The following LRP1B variants were observed in gnomAD, a reference collection of about 807,000 sequenced individuals.
LRP1B encodes low-density lipoprotein receptor-related protein 1B.
LRP1B carries 217 observed loss-of-function variants against 556.6 expected under a neutral mutation model. That is an observed-to-expected ratio of 0.39 (90% CI 0.35 to 0.44). The LOEUF is 0.44. Ranked by LOEUF, LRP1B falls within the 20% of genes least tolerant of loss-of-function variation. The pLI is 1.00. For missense variants in LRP1B, 5,053 were observed against 5,620.8 expected, an observed-to-expected ratio of 0.90 and a Z score of 3.23; for synonymous variants, 2,047 against 1,865.8, an observed-to-expected ratio of 1.10 and a Z score of -2.50.
intron 2 of LRP1B, among the ~76,000 whole-genome samples, chr2:141,549,868 G>A (rs1425631319): frequency 2.0e-5 from 3 of 152,074 alleles, no homozygotes; most frequent in Non-Finnish European, 4.4e-5. Context: ...GGTGGTGCAT[G>A]CCCATAATCC....
At chr2:141,270,969 G>T (rs552949752) in intron 3 of LRP1B, among the ~76,000 whole-genome samples, 2 of 151,820 alleles carry the variant, frequency 1.3e-5, no homozygotes, top group Non-Finnish European at 2.9e-5. Flanking sequence ...CACAATAAAA[G>T]TAGTAAAAAG....
intron 41 of LRP1B, among the ~76,000 whole-genome samples, chr2:140,671,786 T>C (rs989715773): frequency 6.6e-6 from 1 of 152,190 alleles, no homozygotes. Context: ...GTCCCTTTTA[T>C]CACGTGAGGT....
At chr2:141,916,203 G>A (rs931684306) in intron 1 of LRP1B, among the ~76,000 whole-genome samples, 1 of 152,086 alleles carries the variant, frequency 6.6e-6, no homozygotes, top group Non-Finnish European at 1.5e-5. Flanking sequence ...ATTGGATAAA[G>A]AAAATGTGAT....
intron 3 of LRP1B, among the ~76,000 whole-genome samples, chr2:141,278,138 T>C (rs950284298): frequency 1.2e-4 from 19 of 152,160 alleles, no homozygotes; most frequent in Admixed American, 8.5e-4. Context: ...ACTCATTATA[T>C]GTACTCTACA....
intron 7 of LRP1B, among the ~76,000 whole-genome samples, chr2:141,167,948 A>T (rs1574147100): frequency 6.6e-6 from 1 of 152,164 alleles, no homozygotes. Context: ...TATAACTTTG[A>T]TACAACTACT....
At chr2:141,663,396 A>G (rs927728734) in intron 2 of LRP1B, among the ~76,000 whole-genome samples, 1 of 142,848 alleles carries the variant, frequency 7.0e-6, no homozygotes, top group Admixed American at 7.1e-5. Flanking sequence ...CAATGAATCC[A>G]GGAGCTGGTT....
intron 1 of LRP1B, among the ~76,000 whole-genome samples, chr2:141,837,706 G>A (rs577445565): frequency 2.0e-5 from 3 of 152,062 alleles, no homozygotes; most frequent in African/African-American, 7.2e-5. Flanking sequence ...ACATAGTAAA[G>A]GAAATCTAAT....
chr2:140,483,793 AC>A (rs1342394730), intron 59 of LRP1B, among the ~76,000 whole-genome samples: 3 of 151,502 alleles, frequency 2.0e-5, no homozygotes, highest in Non-Finnish European at 4.4e-5. Context: ...GGTGTGCGCC[AC>A]CACGCCTGGC....
intron 1 of LRP1B, among the ~76,000 whole-genome samples, chr2:141,878,442 A>G (rs1438007065): frequency 1.3e-5 from 2 of 152,016 alleles, no homozygotes; most frequent in African/African-American, 4.8e-5. Flanking sequence ...TGTAAAAAAA[A>G]AAGTGTATAG....
chr2:140,521,477 A>G (rs557386120), intron 49 of LRP1B, among the ~76,000 whole-genome samples: 1 of 152,196 alleles, frequency 6.6e-6, no homozygotes, highest in African/African-American at 2.4e-5. Context: ...AGTCTTTCCC[A>G]GACAAGCAAT....
At chr2:141,296,659 A>G (rs1381793304) in intron 3 of LRP1B, among the ~76,000 whole-genome samples, 1 of 152,252 alleles carries the variant, frequency 6.6e-6, no homozygotes, top group African/African-American at 2.4e-5. Context: ...TGACATAAGT[A>G]TGTAAAATAG....
intron 1 of LRP1B, among the ~76,000 whole-genome samples, chr2:141,998,593 G>A (rs1006108574): frequency 2.0e-5 from 3 of 152,282 alleles, no homozygotes; most frequent in South Asian, 2.1e-4. Flanking sequence ...TAATGGACGT[G>A]TCTATGACAT....
intron 17 of LRP1B, among the ~76,000 whole-genome samples, chr2:140,984,776 T>C (rs1027428328): frequency 9.2e-5 from 14 of 152,126 alleles, no homozygotes; most frequent in African/African-American, 3.4e-4. Context: ...TGAAGATATA[T>C]GAATTCATTG....
At chr2:140,515,365 T>C (rs768922501) in intron 50 of LRP1B, among the ~76,000 whole-genome samples, 2 of 151,978 alleles carry the variant, frequency 1.3e-5, no homozygotes, top group African/African-American at 4.8e-5. Flanking sequence ...TTAATTGGCA[T>C]AGTGGCTGGC....
At chr2:141,687,763 T>C (rs1274397928) in intron 2 of LRP1B, among the ~76,000 whole-genome samples, 1 of 151,960 alleles carries the variant, frequency 6.6e-6, no homozygotes, top group Non-Finnish European at 1.5e-5. Flanking sequence ...GGCTAGAAGA[T>C]AGTCTGAAAT....
chr2:141,544,359 T>TTTTCTTCTTCTTCTTCTTCTTCTTCC (rs1553533236), intron 2 of LRP1B, among the ~76,000 whole-genome samples: 1 of 96,624 alleles, frequency 1.0e-5, no homozygotes, highest in Non-Finnish European at 2.1e-5. Context: ...CTTCTTCTTC[T>TTTTCTTCTTCTTCTTCTTCTTCTTCC]TCTTCTTCTT....
chr2:140,931,276 T>C (rs533308465), intron 20 of LRP1B, among the ~76,000 whole-genome samples: 1 of 152,154 alleles, frequency 6.6e-6, no homozygotes, highest in African/African-American at 2.4e-5. Flanking sequence ...GCCATATTTC[T>C]TGGTTTATTA....
intron 1 of LRP1B, among the ~76,000 whole-genome samples, chr2:141,830,209 T>C (rs557395787): frequency 2.0e-5 from 3 of 152,018 alleles, no homozygotes; most frequent in South Asian, 4.1e-4. Context: ...AGACTACTTA[T>C]AGAAGAAAAT....
intron 41 of LRP1B, among the ~76,000 whole-genome samples, chr2:140,609,602 A>G (rs1182637132): frequency 6.6e-6 from 1 of 152,206 alleles, no homozygotes; most frequent in Non-Finnish European, 1.5e-5. Context: ...TGTGAATTAT[A>G]GTAGTATTTA....
Sources: allele counts gnomAD v4.1 joint callset (sites outside exome capture counted in the v4.1 genomes callset), GRCh38; gene constraint gnomAD v4.1.1; transcripts MANE v1.5; gene names NCBI Gene and HGNC (gene_info 2026-07-23, HGNC 2026-07-21).